The following SDK1 variants were observed in gnomAD, a reference collection of about 807,000 sequenced individuals.
SDK1 encodes the protein sidekick cell adhesion molecule 1.
SDK1 carries 157 observed loss-of-function variants against 245.5 expected under a neutral mutation model. That is an observed-to-expected ratio of 0.64 (90% confidence interval 0.56 to 0.73). The LOEUF is 0.73. SDK1 is among the 30% of genes least tolerant of loss of function. The pLI is 0.00. For missense variants in SDK1, 3,583 were observed against 3,002.3 expected (o/e 1.19, Z -4.52); for synonymous variants, 1,647 against 1,278.5 (o/e 1.29, Z -6.15).
intron 40 of SDK1, among the ~76,000 whole-genome samples, chr7:4,231,448 C>T (rs1342458426): frequency 6.6e-6 from 1 of 151,824 alleles, no homozygotes; most frequent in Middle Eastern, 3.2e-3. Flanking sequence ...TGGCGCATGC[C>T]TGTAGACCCA....
At chr7:3,844,261 C>A (rs148242437) in intron 5 of SDK1, among the ~76,000 whole-genome samples, 1 of 152,180 alleles carries the variant, frequency 6.6e-6, no homozygotes, top group Non-Finnish European at 1.5e-5. Flanking sequence ...CATGAGCCAC[C>A]GCCCCTGGCC....
chr7:4,012,215 G>A lies in SDK1; in HGVS notation c.2400G>A (p.Val800=). 5.2e-6 allele frequency: 8 copies of A among 1,539,330 alleles called. No individual in the cohort carries two copies. The highest frequency in any genetic ancestry group is 7.0e-6 in the Non-Finnish European group (8 of 1,145,044). ...QPPPETEHNG[V]LRGYILRYRL... ...CCCCAGAAACAGAGCACAACGGGGT[G>A]TTGCGTGGATACATCCTCAGGCAAG... Residue 800 remains valine (V), a synonymous_variant, in exon 16 of 45, where the codon GTG becomes GTA. Coordinates refer to ENST00000404826, the MANE Select transcript of SDK1 (RefSeq NM_152744.4).
intron 5 of SDK1, among the ~76,000 whole-genome samples, chr7:3,838,395 C>T (rs1780074557): frequency 6.6e-6 from 1 of 152,164 alleles, no homozygotes; most frequent in Admixed American, 6.5e-5. Flanking sequence ...GGAAGGTTTC[C>T]CCTGAGAGAC....
chr7:3,411,231 G>A (rs1216731213), intron 1 of SDK1, among the ~76,000 whole-genome samples: 1 of 152,112 alleles, frequency 6.6e-6, no homozygotes, highest in Non-Finnish European at 1.5e-5. Flanking sequence ...TGCATTTACG[G>A]ACAAAAGCGC....
At chr7:3,358,332 T>C (rs1780862390) in intron 1 of SDK1, among the ~76,000 whole-genome samples, 1 of 152,230 alleles carries the variant, frequency 6.6e-6, no homozygotes, top group African/African-American at 2.4e-5. Context: ...CTCATTCATT[T>C]CTTGTACTAG....
chr7:3,965,932 G>T, intron 9 of SDK1, among the ~76,000 whole-genome samples: 1 of 152,000 alleles, frequency 6.6e-6, no homozygotes, highest in Non-Finnish European at 1.5e-5. Flanking sequence ...GAAGGGAGGC[G>T]GATAGGTTGG....
chr7:3,947,429 A>C (rs897952214), intron 5 of SDK1, among the ~76,000 whole-genome samples: 5 of 152,126 alleles, frequency 3.3e-5, no homozygotes, highest in Non-Finnish European at 5.9e-5. Flanking sequence ...AAGATTATCT[A>C]CTGCACAGCT....
chr7:3,506,004 A>G (rs1301650269), intron 1 of SDK1, among the ~76,000 whole-genome samples: 1 of 151,990 alleles, frequency 6.6e-6, no homozygotes. Context: ...TTTTACTGTC[A>G]GTTTTCTCTT....
chr7:3,629,605 C>G (rs142103239), intron 2 of SDK1, among the ~76,000 whole-genome samples: 1 of 152,168 alleles, frequency 6.6e-6, no homozygotes, highest in Admixed American at 6.5e-5. Flanking sequence ...TAGCCCTAGA[C>G]CAAATACTGC....
rs369934316 is a variant in SDK1, at chr7:4,149,424, C to T, written c.4586C>T (p.Ser1529Leu). Residue 1529 changes from serine (S) to leucine (L), a missense_variant, in exon 30 of 45, where the codon TCG (serine) becomes TTG (leucine). Physicochemically the swap from Ser to Leu is moderately radical, Grantham distance 145 (BLOSUM62 -2). Coordinates refer to ENST00000404826, the MANE Select transcript of SDK1 (RefSeq NM_152744.4). ...CGGGGTGAGTGGCAGACCTACTCCT[C>T]GTCCATCAGCCATGAGGCGACAGCA... The part of the protein sequence containing the change: ...LPRGEWQTYS[S>L]SISHEATACV... The T allele has an allele frequency of 2.7e-5, 43 of 1,568,564 alleles. No homozygotes were observed. The highest frequency in any genetic ancestry group is 4.8e-5 in the East Asian group (2 of 41,510).
intron 1 of SDK1, among the ~76,000 whole-genome samples, chr7:3,532,000 AT>A (rs1783363113): frequency 6.6e-6 from 1 of 152,212 alleles, no homozygotes; most frequent in African/African-American, 2.4e-5. Context: ...CTGATCATAA[AT>A]TAGTTTTCCA....
intron 1 of SDK1, among the ~76,000 whole-genome samples, chr7:3,371,737 T>TA (rs1195749399): frequency 6.6e-6 from 1 of 152,140 alleles, no homozygotes; most frequent in African/African-American, 2.4e-5. Flanking sequence ...GGAGGACAGA[T>TA]AATGGATCCT....
chr7:3,804,019 C>G (rs971104968), intron 4 of SDK1, among the ~76,000 whole-genome samples: 1 of 152,182 alleles, frequency 6.6e-6, no homozygotes, highest in African/African-American at 2.4e-5. Context: ...CTGCCTTGGC[C>G]TCCCAAAGTG....
intron 9 of SDK1, among the ~76,000 whole-genome samples, chr7:3,964,236 C>A (rs1267480577): frequency 6.6e-6 from 1 of 152,204 alleles, no homozygotes; most frequent in Non-Finnish European, 1.5e-5. Context: ...CACCTGAAGC[C>A]TTTGTGGGTC....
intron 25 of SDK1, among the ~76,000 whole-genome samples, chr7:4,117,128 TG>T (rs1783765235): frequency 1.3e-5 from 2 of 152,258 alleles, no homozygotes; most frequent in Non-Finnish European, 2.9e-5. Flanking sequence ...TTAAAACTTC[TG>T]CCATAACCAA....
chr7:4,238,224 C>T (rs1446236815), intron 42 of SDK1, among the ~76,000 whole-genome samples: 5 of 151,938 alleles, frequency 3.3e-5, no homozygotes, highest in South Asian at 2.1e-4. Context: ...GGATTACAGG[C>T]GCCTGCCACT....
intron 14 of SDK1, among the ~76,000 whole-genome samples, chr7:4,002,902 C>T (rs951236694): frequency 1.3e-5 from 2 of 152,234 alleles, no homozygotes; most frequent in African/African-American, 4.8e-5. Flanking sequence ...CCAGGTCGCT[C>T]TGTTCATCTT....
intron 35 of SDK1, 125 bp downstream of exon 35, chr7:4,178,711 C>T (rs893935197): frequency 2.5e-5 from 17 of 677,266 alleles, no homozygotes; most frequent in African/African-American, 5.3e-5. Context: ...ACATTGCTGT[C>T]GGGGCTGAGG....
At chr7:3,979,637 G>T (rs898959924) in intron 13 of SDK1, among the ~76,000 whole-genome samples, 14 of 152,162 alleles carry the variant, frequency 9.2e-5, no homozygotes, top group Non-Finnish European at 8.8e-5. Context: ...CTAAACTCCA[G>T]ATGGTTCCAT....
Sources: allele counts gnomAD v4.1 joint callset (sites outside exome capture counted in the v4.1 genomes callset), GRCh38; gene constraint gnomAD v4.1.1; transcripts MANE v1.5; gene names NCBI Gene and HGNC (gene_info 2026-07-23, HGNC 2026-07-21).